Variants in SLC45A4 observed in about 807,000 individuals in gnomAD.
SLC45A4 encodes polyamine-transporter SLC45A4.
Under a neutral mutation model 63.7 loss-of-function variants are expected in SLC45A4, and 32 were observed. The ratio of observed to expected loss-of-function variants is 0.50; its 90% CI spans 0.38 to 0.67. SLC45A4 has a LOEUF of 0.67. SLC45A4 is among the 30% of genes least tolerant of loss of function. The probability of loss-of-function intolerance (pLI) is 0.00; values close to 1 mark genes in which losing one functional copy is unlikely to be tolerated. For synonymous variants in SLC45A4, 535 were observed against 510.0 expected, an observed-to-expected ratio of 1.05 and a Z score of -0.66; for missense variants, 1,027 against 1,157.7, an observed-to-expected ratio of 0.89 and a Z score of 1.64.
intron 3 of SLC45A4, among the ~76,000 whole-genome samples, chr8:141,221,170 C>T (rs766843096): frequency 1.2e-4 from 19 of 152,254 alleles, no homozygotes; most frequent in Admixed American, 7.9e-4. Context: ...TTTTCCCACA[C>T]AGAGTTGCTT....
intron 2 of SLC45A4, among the ~76,000 whole-genome samples, chr8:141,244,957 T>TGGGGGGGG (rs1243475649): frequency 1.2e-4 from 1 of 8,418 alleles, no homozygotes; most frequent in African/African-American, 4.6e-4. Context: ...AAGACGTGGG[T>TGGGGGGGG]GGGGGGGGGG....
Position 141,218,020 on chromosome 8 carries a change from G to A in SLC45A4, c.1620C>T (p.Gly540=), listed in dbSNP as rs376263480. 4.9e-5 allele frequency: 79 copies of A among 1,601,600 alleles called. No homozygotes were observed. Among genetic ancestry groups the A allele is most frequent in the African/African-American group, 1.9e-4 (14 of 74,788 alleles). Residue 540 remains glycine (G), a synonymous_variant, in exon 5 of 9, where the codon GGC becomes GGT. Coordinates refer to ENST00000517878, the MANE Select transcript of SLC45A4 (RefSeq NM_001286646.2). Reference sequence around the variant, plus strand: ...GTGGCCGAGCACTCACCTTGGGGTCGCCTTCGAAGATGACCTGGCCCATGA... The same window carrying A: ...GTGGCCGAGCACTCACCTTGGGGTCACCTTCGAAGATGACCTGGCCCATGA... The part of the protein sequence containing the change: ...TDFMGQVIFE[G]DPKAPSNSTA...
chr8:141,213,387 C>T (rs925431348), intron 7 of SLC45A4, among the ~76,000 whole-genome samples: 1 of 152,232 alleles, frequency 6.6e-6, no homozygotes, highest in Non-Finnish European at 1.5e-5. Flanking sequence ...GGGGTATGTT[C>T]TCTGGCCATT....
At chr8:141,230,950 C>T (rs1040549984) in intron 2 of SLC45A4, among the ~76,000 whole-genome samples, 1 of 152,030 alleles carries the variant, frequency 6.6e-6, no homozygotes, top group African/African-American at 2.4e-5. Context: ...CCTCCTGCTC[C>T]GGGGACGCTG....
At chr8:141,295,405 C>T (rs1830507204) in intron 1 of SLC45A4, among the ~76,000 whole-genome samples, 1 of 152,228 alleles carries the variant, frequency 6.6e-6, no homozygotes, top group Admixed American at 6.5e-5. Flanking sequence ...AGGCTCAGTT[C>T]CTCCATGAAG....
chr8:141,278,644 C>A lies in SLC45A4; in HGVS notation c.-400-24015G>T, dbSNP rs148026843. Among the ~76,000 whole-genome samples the A allele has an allele frequency of 2.8e-4, 42 of 152,380 alleles. No individual in the cohort carries two copies. Among genetic ancestry groups the A allele is most frequent in the African/African-American group, 9.4e-4 (39 of 41,590 alleles). On this transcript the variant is annotated intron_variant, in intron 1 of 8. Transcript: ENST00000517878. The surrounding 1 kb of genome is among the most constrained non-coding windows in gnomAD (Gnocchi z 4.1). Reference sequence around the variant, plus strand: ...AGCTGAGTGCTGACCACAGCCCCCACGGGCAGCACAGGCAAGCAAGTGGAG... The same window carrying A: ...AGCTGAGTGCTGACCACAGCCCCCAAGGGCAGCACAGGCAAGCAAGTGGAG...
intron 1 of SLC45A4, among the ~76,000 whole-genome samples, chr8:141,289,227 GAGA>G (rs58577869): frequency 0.031 from 4,672 of 152,268 alleles, 257 homozygotes; most frequent in African/African-American, 0.11. Flanking sequence ...CTGCACTTTC[GAGA>G]AGGAGTGAGA....
At chr8:141,274,960 C>G (rs951945288) in intron 1 of SLC45A4, among the ~76,000 whole-genome samples, 29 of 152,216 alleles carry the variant, frequency 1.9e-4, no homozygotes, top group Non-Finnish European at 3.1e-4. Context: ...GGATGGGAGA[C>G]AGAGGAGAGG....
chr8:141,302,175 G>C (rs2154615471), intron 1 of SLC45A4, among the ~76,000 whole-genome samples: 1 of 152,284 alleles, frequency 6.6e-6, no homozygotes, highest in East Asian at 1.9e-4. Context: ...CATTATACTA[G>C]AAATTGCATC....
At position 141,256,710 on chromosome 8, in the gene SLC45A4, C is replaced by T. The variant is rs980069778; in HGVS notation, c.-400-2081G>A. On this transcript the variant is annotated intron_variant, in intron 1 of 8. Transcript: ENST00000517878. This position sits in a 1 kb window ranked among gnomAD's most constrained non-coding sequence, Gnocchi z 4.3. ...CCTATGTATTTGCTTCTTACGTCCC[C>T]TGAACGTCGCTACGATTCCACACGA... 3 of 440,638 alleles carry T rather than the reference C, an allele frequency of 6.8e-6. No homozygotes were observed. The highest frequency in any genetic ancestry group is 7.2e-5 in the East Asian group (1 of 13,984). The allele number at this position is 440,638 out of a possible 1,614,324, so 27.3% of individuals were successfully genotyped here. A position where few individuals can be genotyped will look rare whatever the true frequency, so the allele number is the denominator to read the frequency against.
intron 2 of SLC45A4, chr8:141,230,194 TC>T (rs1327462979): frequency 1.1e-5 from 5 of 450,616 alleles, no homozygotes; most frequent in Non-Finnish European, 2.2e-5. Flanking sequence ...AGCACAGGCC[TC>T]TGTTTCTGCA....
At chr8:141,246,609 G>GCCAAGGCAGCAACA (rs1229104485) in intron 2 of SLC45A4, among the ~76,000 whole-genome samples, 4 of 20,890 alleles carry the variant, frequency 1.9e-4, no homozygotes, top group Admixed American at 8.7e-4. Context: ...TTACTCAAGG[G>GCCAAGGCAGCAACA]GAGGGCATTG....
rs1172146993 is a variant in SLC45A4 at position 141,254,237 on chromosome 8, A to G, written c.-8T>C. ...CTGCGGAGCCATTTTCATTACCACCAAAAATATATGTATTTATCTATATAT... is the reference window on the plus strand; with the variant it reads ...CTGCGGAGCCATTTTCATTACCACCGAAAATATATGTATTTATCTATATAT... On this transcript the variant is annotated 5_prime_UTR_variant, in exon 2 of 9. Transcript: ENST00000517878. This position sits in a 1 kb window ranked among gnomAD's most constrained non-coding sequence, Gnocchi z 4.5. 3.3e-6 allele frequency: 5 copies of G among 1,529,172 alleles called. No homozygotes were observed. The East Asian group carries it at 1.2e-4, about 37-fold the overall frequency. 94.7% of individuals were successfully genotyped at this position (1,529,172 alleles called of 1,614,324 possible).
chr8:141,228,767 T>A (rs1827181182), intron 2 of SLC45A4, among the ~76,000 whole-genome samples: 1 of 152,116 alleles, frequency 6.6e-6, no homozygotes, highest in Non-Finnish European at 1.5e-5. Flanking sequence ...CAGGGGTCAA[T>A]CAGTTCCAGA....
intron 2 of SLC45A4, among the ~76,000 whole-genome samples, chr8:141,243,264 A>G (rs1828003675): frequency 6.6e-6 from 1 of 152,170 alleles, no homozygotes; most frequent in South Asian, 2.1e-4. Flanking sequence ...GAGCAAGCCT[A>G]CACAGCGGTG....
Position 141,252,449 on chromosome 8 carries a change from GT to G in SLC45A4, c.241+1539del, listed in dbSNP as rs1378463296. ...CACCTGCGTGTCTGTGAATTTCCATGTTTTCACGCCCACCTGTGCGTCTGTG... is the reference window on the plus strand; with the variant it reads ...CACCTGCGTGTCTGTGAATTTCCATGTTTCACGCCCACCTGTGCGTCTGTG... On this transcript the variant is annotated intron_variant, in intron 2 of 8. Transcript: ENST00000517878. 2.6e-5 allele frequency: 4 copies of G among 151,724 alleles called. No individual in the cohort carries two copies. In the Admixed American group the frequency reaches 2.7e-4, roughly 10 times the overall value. 9.4% of individuals were successfully genotyped at this position (151,724 alleles called of 1,614,324 possible).
rs543951208 is a variant in SLC45A4 at position 141,229,100 on chromosome 8, C to G, written c.242-7335G>C. Among the ~76,000 whole-genome samples the G allele has an allele frequency of 1.6e-3, 251 of 152,316 alleles. 1 individual carries two copies. Among genetic ancestry groups the G allele is most frequent in the South Asian group, 3.3e-3 (16 of 4,826 alleles). ...TGCCTGAAGTACTTTACCTTCCCCCCTTACCTGACATTCAATAACTGCTTA... is the reference window on the plus strand; with the variant it reads ...TGCCTGAAGTACTTTACCTTCCCCCGTTACCTGACATTCAATAACTGCTTA... On this transcript the variant is annotated intron_variant, in intron 2 of 8. Transcript: ENST00000517878. This position sits in a 1 kb window ranked among gnomAD's most constrained non-coding sequence, Gnocchi z 5.0.
rs899595223 is a variant in SLC45A4 at position 141,218,406 on chromosome 8, T to A, written c.1234A>T (p.Met412Leu). ...CGGAACGCGTGCCGCCGCCGCCGCA[T>A]GGAGCTCGACGTGGCCGAGGGCTTC... ...DTKPSATSSS[M>L]RRRRHAFRRQ... Residue 412 changes from methionine (M) to leucine (L), a missense_variant, in exon 5 of 9, where the codon ATG becomes TTG. Met to Leu is a conservative substitution (Grantham distance 15). Coordinates refer to ENST00000517878, the MANE Select transcript of SLC45A4 (RefSeq NM_001286646.2). 1 of 1,610,394 alleles carries A rather than the reference T, an allele frequency of 6.2e-7. No homozygotes were observed. Among genetic ancestry groups the A allele is most frequent in the South Asian group, 1.1e-5 (1 of 91,082 alleles).
intron 2 of SLC45A4, chr8:141,230,107 C>T (rs1365826684): frequency 2.2e-6 from 1 of 456,174 alleles, no homozygotes; most frequent in Non-Finnish European, 4.4e-6. Flanking sequence ...ATGTCAGAGG[C>T]CGCATTAGAC....
Sources: allele counts gnomAD v4.1 joint callset (sites outside exome capture counted in the v4.1 genomes callset), GRCh38; gene constraint gnomAD v4.1.1; non-coding constraint Gnocchi (gnomAD v3.1); transcripts MANE v1.5; gene names NCBI Gene and HGNC (gene_info 2026-07-23, HGNC 2026-07-21).